Variants in MON2 observed in about 807,000 individuals in gnomAD.
MON2 encodes protein MON2 homolog.
Under a neutral mutation model 208.6 loss-of-function variants are expected in MON2, and 84 were observed. That is an observed-to-expected ratio of 0.40 (90% confidence interval 0.34 to 0.48). The LOEUF is 0.48. MON2 is among the 20% of genes least tolerant of loss of function. MON2 has a pLI of 0.59. For missense variants in MON2, 1,611 were observed against 2,015.4 expected (o/e 0.80, Z 3.84); for synonymous variants, 660 against 694.0 (o/e 0.95, Z 0.77).
intron 30 of MON2, among the ~76,000 whole-genome samples, chr12:62,575,707 G>A (rs2136429870): frequency 6.6e-6 from 1 of 152,238 alleles, no homozygotes; most frequent in Admixed American, 6.5e-5. Context: ...CAAATAAAAT[G>A]AACTAGCAGA....
At chr12:62,587,666 C>G (rs2075261965) in intron 33 of MON2, among the ~76,000 whole-genome samples, 1 of 151,986 alleles carries the variant, frequency 6.6e-6, no homozygotes. Flanking sequence ...CACTTGAGCG[C>G]AAGTCAAGGC....
At chr12:62,562,951 T>G (rs2074252491) in intron 26 of MON2, among the ~76,000 whole-genome samples, 1 of 152,184 alleles carries the variant, frequency 6.6e-6, no homozygotes, top group African/African-American at 2.4e-5. Flanking sequence ...TTAGCATACA[T>G]AGAGGAACTG....
In MON2 at chr12:62,599,324, T is replaced by A. The variant is rs1335170211; in HGVS notation, c.*6575T>A. 6 of 152,232 alleles carry A rather than the reference T, an allele frequency of 3.9e-5. No homozygotes were observed. Among genetic ancestry groups the A allele is most frequent in the Non-Finnish European group, 8.8e-5 (6 of 68,030 alleles). 9.4% of individuals were successfully genotyped at this position (152,232 alleles called of 1,614,324 possible). Reference sequence around the variant, plus strand: ...TCTTAATCTTATGAGCATTTTTTTTTAATTTGGTGAAGCTGTTTTGAAACT... The same window carrying A: ...TCTTAATCTTATGAGCATTTTTTTTAAATTTGGTGAAGCTGTTTTGAAACT... On this transcript the variant is annotated 3_prime_UTR_variant, in exon 35 of 35. Transcript: ENST00000393630.
intron 15 of MON2, 82 bp from the exon 16 acceptor site, chr12:62,537,520 A>T: frequency 9.5e-7 from 1 of 1,047,894 alleles, no homozygotes. Flanking sequence ...AAAATCTTTT[A>T]ACACATTAAT....
At chr12:62,565,457 T>G in intron 27 of MON2, 77 bp downstream of exon 27, 1 of 1,251,448 alleles carries the variant, frequency 8.0e-7, no homozygotes, top group Non-Finnish European at 1.1e-6. Flanking sequence ...TAAGATGGAC[T>G]TTGATTATCT....
At chr12:62,550,904 T>C (rs1349159043) in intron 23 of MON2, among the ~76,000 whole-genome samples, 2 of 114,454 alleles carry the variant, frequency 1.7e-5, no homozygotes, top group Admixed American at 1.7e-4. Context: ...CTTTCTTCTT[T>C]CTTTCTTTTT....
chr12:62,504,566 T>A (rs552781330), intron 7 of MON2, among the ~76,000 whole-genome samples: 17 of 152,158 alleles, frequency 1.1e-4, no homozygotes, highest in Non-Finnish European at 2.2e-4. Flanking sequence ...GGATTTATTA[T>A]ACTTAGAAAA....
At chr12:62,569,487 G>A (rs537506841) in intron 29 of MON2, among the ~76,000 whole-genome samples, 34 of 152,224 alleles carry the variant, frequency 2.2e-4, no homozygotes, top group Admixed American at 1.2e-3. Context: ...TGACCATATC[G>A]TTTCTCTTCA....
At chr12:62,568,793 C>T (rs1008100815) in intron 29 of MON2, among the ~76,000 whole-genome samples, 1 of 152,088 alleles carries the variant, frequency 6.6e-6, no homozygotes, top group Non-Finnish European at 1.5e-5. Context: ...GCTGGGAATA[C>T]AGGCACACAC....
chr12:62,588,866 C>A, intron 34 of MON2: 1 of 1,475,466 alleles, frequency 6.8e-7, no homozygotes, highest in Non-Finnish European at 9.1e-7. Context: ...CTTGTATCAG[C>A]CTATTTGGAA....
At chr12:62,510,437 A>G (rs759254998) in intron 8 of MON2, among the ~76,000 whole-genome samples, 2 of 152,236 alleles carry the variant, frequency 1.3e-5, no homozygotes, top group African/African-American at 2.4e-5. Context: ...ATTCCACGCC[A>G]TGACCAAGTG....
At chr12:62,524,054 C>T (rs1365692789) in intron 8 of MON2, among the ~76,000 whole-genome samples, 1 of 152,086 alleles carries the variant, frequency 6.6e-6, no homozygotes, top group Non-Finnish European at 1.5e-5. Context: ...ATAGGTTCCT[C>T]CTTATTTTTC....
At chr12:62,541,776 A>G (rs926269850) in intron 19 of MON2, among the ~76,000 whole-genome samples, 2 of 152,180 alleles carry the variant, frequency 1.3e-5, no homozygotes, top group Non-Finnish European at 1.5e-5. Context: ...TAGGTTTTTG[A>G]GTAAGAATCT....
chr12:62,474,839 A>G (rs571944711), intron 1 of MON2, among the ~76,000 whole-genome samples: 3 of 152,172 alleles, frequency 2.0e-5, no homozygotes, highest in African/African-American at 7.2e-5. Context: ...ATATTTGGCT[A>G]TCTTCTCTCC....
chr12:62,588,369 TTAC>T (rs1459529956), intron 34 of MON2, among the ~76,000 whole-genome samples: 32 of 129,512 alleles, frequency 2.5e-4, no homozygotes, highest in African/African-American at 9.0e-4. Flanking sequence ...GCAGTCTACC[TTAC>T]TTTTTTTTTT....
chr12:62,483,507 C>T (rs2069569246), intron 1 of MON2, among the ~76,000 whole-genome samples: 1 of 152,134 alleles, frequency 6.6e-6, no homozygotes, highest in South Asian at 2.1e-4. Context: ...TCAAGACCAG[C>T]CTGGCCAACT....
chr12:62,561,311 G>A (rs2074189380), intron 26 of MON2, among the ~76,000 whole-genome samples, 198 bp downstream of exon 26: 1 of 152,106 alleles, frequency 6.6e-6, no homozygotes. Flanking sequence ...GGTAATTCAT[G>A]TATGTTTTGA....
At position 62,571,537 on chromosome 12, in the gene MON2, G is replaced by A; in HGVS notation, c.4469G>A (p.Trp1490Ter). ...TCTTCTGGAAAATTTGACAGTATGT[G>A]GCCAGAACTAGCCAATACTTTTGAA... Reference protein sequence around the residue: ...HASSGKFDSMWPELANTFEDF... With the variant: ...HASSGKFDSM The change falls in exon 30 of 35, where the codon TGG becomes TAG. Residue 1490 changes from tryptophan (W) to a stop codon, truncating the protein, a stop_gained. Coordinates refer to ENST00000393630, the MANE Select transcript of MON2 (RefSeq NM_015026.3). LOFTEE classifies it high-confidence loss of function. The A allele has an allele frequency of 6.2e-7, 1 of 1,613,732 alleles. No individual in the cohort carries two copies. The highest frequency in any genetic ancestry group is 8.5e-7 in the Non-Finnish European group (1 of 1,179,890).
chr12:62,558,141 G>T (rs1360745983), intron 25 of MON2, among the ~76,000 whole-genome samples: 1 of 150,356 alleles, frequency 6.7e-6, no homozygotes, highest in East Asian at 2.0e-4. Flanking sequence ...ACCATGCCCG[G>T]CTAATTTTGT....
Sources: allele counts gnomAD v4.1 joint callset (sites outside exome capture counted in the v4.1 genomes callset), GRCh38; gene constraint gnomAD v4.1.1; transcripts MANE v1.5; gene names NCBI Gene and HGNC (gene_info 2026-07-23, HGNC 2026-07-21).